Variants in RNF146 observed in about 807,000 individuals in gnomAD.
RNF146 encodes E3 ubiquitin-protein ligase RNF146.
Under a neutral mutation model 29.7 loss-of-function variants are expected in RNF146, and 11 were observed. The ratio of observed to expected loss-of-function variants is 0.37; its 90% CI spans 0.23 to 0.61. The LOEUF is 0.61. RNF146 is among the 20% of genes least tolerant of loss of function. RNF146 has a pLI of 0.66. For missense variants in RNF146, 342 were observed against 438.9 expected, an observed-to-expected ratio of 0.78 and a Z score of 1.97; for synonymous variants, 150 against 159.7, an observed-to-expected ratio of 0.94 and a Z score of 0.46.
chr6:127,274,129 A>T (rs1777871481), intron 1 of RNF146, among the ~76,000 whole-genome samples: 1 of 152,156 alleles, frequency 6.6e-6, no homozygotes, highest in African/African-American at 2.4e-5. Context: ...GTCTTCAAAT[A>T]AGGAAAGCAG....
chr6:127,269,542 G>A (rs1777158822), intron 1 of RNF146, among the ~76,000 whole-genome samples: 1 of 152,144 alleles, frequency 6.6e-6, no homozygotes, highest in South Asian at 2.1e-4. Flanking sequence ...TAAGTAGACT[G>A]CCACATAGTA....
In RNF146 at chr6:127,286,512, T is replaced by C. The variant is rs1327703111; in HGVS notation, c.3-104T>C. On this transcript the variant is annotated intron_variant, in intron 2 of 2. Transcript: ENST00000368314. The surrounding 1 kb of genome is among the most constrained non-coding windows in gnomAD (Gnocchi z 4.6). ...TATCCCCATTGTCTAGTATGTGGCT[T>C]GCATATAATGCACATCATAGGTGGT... 9.6e-7 allele frequency: 1 copy of C among 1,039,402 alleles called. No homozygotes were observed. The highest frequency in any genetic ancestry group is 1.4e-6 in the Non-Finnish European group (1 of 725,956). 64.4% of individuals were successfully genotyped at this position (1,039,402 alleles called of 1,614,324 possible). A position where few individuals can be genotyped will look rare whatever the true frequency, so the allele number is the denominator to read the frequency against.
At chr6:127,272,030 A>T (rs779455713) in intron 1 of RNF146, among the ~76,000 whole-genome samples, 1 of 152,174 alleles carries the variant, frequency 6.6e-6, no homozygotes, top group African/African-American at 2.4e-5. Context: ...ATAATACGTG[A>T]CCTTTTCTGT....
rs374302123 is a variant in RNF146, at chr6:127,287,723, G to C, written c.*30G>C. ...AAATGTCTTCAGCTCCATGCTCAAG[G>C]TTGAAAGGGTTACCTGTAAATTTCT... On this transcript the variant is annotated 3_prime_UTR_variant, in exon 3 of 3. Transcript: ENST00000368314. 7.4e-7 allele frequency: 1 copy of C among 1,344,736 alleles called. No individual in the cohort carries two copies. The highest frequency in any genetic ancestry group is 2.3e-5 in the East Asian group (1 of 43,268). The allele number at this position is 1,344,736 out of a possible 1,614,324, so 83.3% of individuals were successfully genotyped here.
chr6:127,284,328 G>A (rs1779253057), intron 2 of RNF146, among the ~76,000 whole-genome samples: 1 of 151,804 alleles, frequency 6.6e-6, no homozygotes, highest in South Asian at 2.1e-4. Flanking sequence ...CTTCTTATAT[G>A]AAGATGTTGC....
upstream of RNF146, chr6:127,266,737 C>T (rs1270030258): frequency 6.6e-6 from 1 of 152,192 alleles, no homozygotes; most frequent in Non-Finnish European, 1.5e-5. Flanking sequence ...GACAGCGGCG[C>T]GAGACAGGGG....
Position 127,286,115 on chromosome 6 carries a change from T to C in RNF146, c.3-501T>C. ...TATGATTGTTACCTTTATGAAGCTTTAGTGATTACAAAGCACTTTTTTTGT... is the reference window on the plus strand; with the variant it reads ...TATGATTGTTACCTTTATGAAGCTTCAGTGATTACAAAGCACTTTTTTTGT... On this transcript the variant is annotated intron_variant, in intron 2 of 2. Coordinates refer to ENST00000368314, the MANE Select transcript of RNF146 (RefSeq NM_001242850.2). This position sits in a 1 kb window ranked among gnomAD's most constrained non-coding sequence, Gnocchi z 4.6. 1 of 1,230,284 alleles carries C rather than the reference T, an allele frequency of 8.1e-7. No individual in the cohort carries two copies. The highest frequency in any genetic ancestry group is 4.2e-5 in the Admixed American group (1 of 23,694). 76.2% of individuals were successfully genotyped at this position (1,230,284 alleles called of 1,614,324 possible). A position where few individuals can be genotyped will look rare whatever the true frequency, so the allele number is the denominator to read the frequency against.
rs1779677644 is a variant in RNF146, at chr6:127,287,477, T to G, written c.864T>G (p.Thr288=). The part of the protein sequence containing the change: ...VPAPDTSIEE[T]ESDASSDSED... ...CACCAGACACCTCCATTGAAGAAAC[T>G]GAATCAGATGCCAGTAGTGATAGTG... Residue 288 remains threonine, a synonymous_variant, in exon 3 of 3, where the codon ACT becomes ACG. Transcript: ENST00000368314. 1 of 1,613,258 alleles carries G rather than the reference T, an allele frequency of 6.2e-7. No homozygotes were observed. Among genetic ancestry groups the G allele is most frequent in the Admixed American group, 1.7e-5 (1 of 59,888 alleles).
intron 1 of RNF146, among the ~76,000 whole-genome samples, chr6:127,273,538 T>C (rs1042333926): frequency 5.9e-5 from 9 of 152,150 alleles, no homozygotes; most frequent in African/African-American, 2.2e-4. Context: ...TCTGCAAGTT[T>C]TTTCAAATTG....
At chr6:127,272,276 T>C (rs1462547691) in intron 1 of RNF146, among the ~76,000 whole-genome samples, 2 of 152,180 alleles carry the variant, frequency 1.3e-5, no homozygotes, top group Admixed American at 1.3e-4. Flanking sequence ...GATCTGGTTC[T>C]GTAGGTCTAG....
At chr6:127,278,029 T>G (rs1000823072) in intron 1 of RNF146, among the ~76,000 whole-genome samples, 8 of 152,102 alleles carry the variant, frequency 5.3e-5, no homozygotes, top group Non-Finnish European at 1.2e-4. Flanking sequence ...GGGAGATAGA[T>G]GCCCATAGTA....
intron 2 of RNF146, among the ~76,000 whole-genome samples, chr6:127,284,000 G>T (rs1779216323): frequency 6.6e-6 from 1 of 151,666 alleles, no homozygotes. Context: ...ATGTGTTTTG[G>T]TTTATTCATA....
At chr6:127,276,072 C>G (rs940235454) in intron 1 of RNF146, among the ~76,000 whole-genome samples, 1 of 151,868 alleles carries the variant, frequency 6.6e-6, no homozygotes, top group Non-Finnish European at 1.5e-5. Context: ...ATGGGAGGAT[C>G]GCTTGAGCCA....
In RNF146 at chr6:127,287,086, A is replaced by G; in HGVS notation, c.473A>G (p.Asn158Ser). ...DLENMVQYRR[N>S]EHGRRRKIKR... ...GAAAACATGGTTCAATATAGGAGAA[A>G]TGAACATGGACGTCGCAGGAAGATT... Residue 158 changes from asparagine (N) to serine (S), a missense_variant, in exon 3 of 3, where the codon AAT becomes AGT. By Grantham distance (46) the Asn-to-Ser change is conservative. Coordinates refer to ENST00000368314, the MANE Select transcript of RNF146 (RefSeq NM_001242850.2). 1 of 1,613,352 alleles carries G rather than the reference A, an allele frequency of 6.2e-7. No homozygotes were observed. The highest frequency in any genetic ancestry group is 8.5e-7 in the Non-Finnish European group (1 of 1,179,568).
At chr6:127,272,843 G>A (rs1777687452) in intron 1 of RNF146, among the ~76,000 whole-genome samples, 1 of 152,160 alleles carries the variant, frequency 6.6e-6, no homozygotes, top group Non-Finnish European at 1.5e-5. Flanking sequence ...CTACTGTAAA[G>A]TCAGTTAACA....
chr6:127,276,152 G>T (rs1562282697), intron 1 of RNF146, among the ~76,000 whole-genome samples: 1 of 151,878 alleles, frequency 6.6e-6, no homozygotes, highest in African/African-American at 2.4e-5. Context: ...ACTGTAGAGT[G>T]AGTGTATGTG....
At chr6:127,277,662 T>C (rs1421049387) in intron 1 of RNF146, among the ~76,000 whole-genome samples, 2 of 152,012 alleles carry the variant, frequency 1.3e-5, no homozygotes, top group Non-Finnish European at 2.9e-5. Context: ...GCTGGGAGGC[T>C]AGGCCCATCT....
At chr6:127,276,354 T>G (rs908619690) in intron 1 of RNF146, among the ~76,000 whole-genome samples, 1 of 151,756 alleles carries the variant, frequency 6.6e-6, no homozygotes, top group Non-Finnish European at 1.5e-5. Flanking sequence ...TTGACAGAAT[T>G]TATGGTGTGG....
Position 127,286,192 on chromosome 6 carries a change from A to G in RNF146, c.3-424A>G. On this transcript the variant is annotated intron_variant, in intron 2 of 2. Coordinates refer to ENST00000368314, the MANE Select transcript of RNF146 (RefSeq NM_001242850.2). This position sits in a 1 kb window ranked among gnomAD's most constrained non-coding sequence, Gnocchi z 4.6. ...CTGATTTGCAGGTAAGGAAATTTAG[A>G]CTAATGGTTTAACTGAGTGCCTAAG... 8.1e-7 allele frequency: 1 copy of G among 1,230,388 alleles called. No individual in the cohort carries two copies. Among genetic ancestry groups the G allele is most frequent in the Non-Finnish European group, 1.0e-6 (1 of 987,122 alleles). 76.2% of individuals were successfully genotyped at this position (1,230,388 alleles called of 1,614,324 possible).
Sources: gnomAD v4.1 joint callset for allele counts (sites outside exome capture counted in the v4.1 genomes callset) on GRCh38, gnomAD v4.1.1 for gene constraint, Gnocchi (gnomAD v3.1) non-coding constraint, MANE v1.5 for transcripts, NCBI Gene and HGNC (gene_info 2026-07-23, HGNC 2026-07-21) for gene names.